Variants in PIH1D2 observed in about 807,000 individuals in gnomAD.
PIH1D2 encodes PIH1 domain containing 2.
In PIH1D2, 25 loss-of-function variants were observed where a neutral mutation model predicts 31.2. That is an observed-to-expected ratio of 0.80 (90% CI 0.58 to 1.12). The LOEUF (loss-of-function observed/expected upper bound fraction) is 1.12, where lower values mean the gene tolerates loss of function less well. Among genes scored for constraint, PIH1D2 ranks in the 50% most tolerant of loss-of-function variants. PIH1D2 has a pLI of 0.00. For missense variants in PIH1D2, 310 were observed against 356.6 expected (o/e 0.87, Z 1.05); for synonymous variants, 116 against 119.9 (o/e 0.97, Z 0.21).
downstream of PIH1D2, chr11:112,062,288 G>A (rs1555183342): frequency 2.8e-6 from 3 of 1,068,168 alleles, no homozygotes; most frequent in Non-Finnish European, 4.2e-6. Context: ...GACTGGAAGA[G>A]TAGATAGGAA....
intron 5 of PIH1D2, among the ~76,000 whole-genome samples, chr11:112,069,023 G>C (rs1456225106): frequency 2.3e-5 from 3 of 128,202 alleles, no homozygotes; most frequent in Non-Finnish European, 4.7e-5. Context: ...AGGGGAGACA[G>C]AGTCTCGCTC....
chr11:112,060,260 A>C (rs781764768), downstream of PIH1D2, among the ~76,000 whole-genome samples: 41 of 136,740 alleles, frequency 3.0e-4, no homozygotes, highest in Non-Finnish European at 6.1e-4. Context: ...CTCCTGGGTT[A>C]CGCCATTCTC....
chr11:112,058,970 C>T (rs1288985106), downstream of PIH1D2, among the ~76,000 whole-genome samples: 1 of 151,326 alleles, frequency 6.6e-6, no homozygotes, highest in Non-Finnish European at 1.5e-5. Flanking sequence ...AAAAGGTATT[C>T]TGAGATAAGA....
downstream of PIH1D2, chr11:112,060,158 A>ATTTTT (rs782188808): frequency 6.5e-5 from 37 of 568,608 alleles, no homozygotes; most frequent in African/African-American, 2.5e-4. Context: ...CTGTCACGTA[A>ATTTTT]TTTTTTTTTT....
downstream of PIH1D2, chr11:112,063,071 C>A (rs1025904469): frequency 6.5e-6 from 1 of 154,874 alleles, no homozygotes; most frequent in African/African-American, 2.4e-5. Context: ...GGGTAGAAAA[C>A]TTCAAGGAAA....
chr11:112,066,502 GT>G (rs1864931649), downstream of PIH1D2, among the ~76,000 whole-genome samples: 1 of 151,902 alleles, frequency 6.6e-6, no homozygotes, highest in African/African-American at 2.4e-5. Flanking sequence ...GCTAGGGGCG[GT>G]TGCGGGCGCC....
chr11:112,070,512 T>A lies in PIH1D2; in HGVS notation c.737A>T (p.Lys246Ile). The change falls in exon 5 of 6, where the codon AAA becomes ATA. Residue 246 changes from lysine (K) to isoleucine (I), a missense_variant. Lys to Ile is a moderately radical substitution (Grantham distance 102). Coordinates refer to ENST00000280350, the MANE Select transcript of PIH1D2 (RefSeq NM_138789.4). Reference sequence around the variant, plus strand: ...AACTTTCAACTCAATTTTCAGAGGTTTCTCACTGTGATCATGCACAATTTT... The same window carrying A: ...AACTTTCAACTCAATTTTCAGAGGTATCTCACTGTGATCATGCACAATTTT... ...ELKIVHDHSE[K>I]PLKIELKVEL... is the part of the protein sequence containing the mutation. 6.2e-7 allele frequency: 1 copy of A among 1,614,140 alleles called. No individual in the cohort carries two copies. Among genetic ancestry groups the A allele is most frequent in the Non-Finnish European group, 8.5e-7 (1 of 1,180,000 alleles).
rs782687885 is a variant in PIH1D2, at chr11:112,070,527, T to C, written c.722A>G (p.His241Arg). The change falls in exon 5 of 6, where the codon CAT becomes CGT. Residue 241 changes from histidine (H) to arginine (R), a missense_variant. Transcript: ENST00000280350. Reference protein sequence around the residue: ...KMPAYELKIVHDHSEKPLKIE... With the variant: ...KMPAYELKIVRDHSEKPLKIE... ...TTTCAGAGGTTTCTCACTGTGATCA[T>C]GCACAATTTTTAGTTCATAGGCTGG... The C allele has an allele frequency of 2.5e-6, 4 of 1,614,170 alleles. No individual in the cohort carries two copies. Among genetic ancestry groups the C allele is most frequent in the East Asian group, 4.5e-5 (2 of 44,880 alleles).
chr11:112,055,971 G>A, the PIH1D2 span, among the ~76,000 whole-genome samples: 10 of 140,390 alleles, frequency 7.1e-5, no homozygotes, highest in East Asian at 4.6e-4. Context: ...GGGTTCAAGC[G>A]ATTCTCCTGC....
Position 112,070,554 on chromosome 11 carries a change from A to C in PIH1D2, c.695T>G (p.Met232Arg). The C allele has an allele frequency of 6.2e-7, 1 of 1,614,196 alleles. No homozygotes were observed. ...CACAATTTTTAGTTCATAGGCTGGC[A>C]TCTTCATCTCCACCTGGATTTCAGT... ...SSTEIQVEMK[M>R]PAYELKIVHD... Residue 232 changes from methionine (M) to arginine (R), a missense_variant, in exon 5 of 6, where the codon ATG becomes AGG. By Grantham distance (91) the Met-to-Arg change is moderately conservative. Coordinates refer to ENST00000280350, the MANE Select transcript of PIH1D2 (RefSeq NM_138789.4).
At chr11:112,064,375 A>G (rs1864825626), downstream of PIH1D2, 1 of 626,414 alleles carries the variant, frequency 1.6e-6, no homozygotes, top group South Asian at 2.7e-5. Flanking sequence ...TTAAAAATTA[A>G]AGTATAAATC....
downstream of PIH1D2, among the ~76,000 whole-genome samples, chr11:112,065,076 G>A (rs587692646): frequency 6.6e-6 from 1 of 152,128 alleles, no homozygotes; most frequent in Non-Finnish European, 1.5e-5. Flanking sequence ...TCCTGACCTT[G>A]TGATCTGCCC....
chr11:112,064,692 A>G (rs1193672721), downstream of PIH1D2, among the ~76,000 whole-genome samples: 1 of 152,132 alleles, frequency 6.6e-6, no homozygotes, highest in Admixed American at 6.6e-5. Context: ...ATCCCAAGGC[A>G]TGGTCTAGAA....
chr11:112,060,099 AT>A, downstream of PIH1D2: 1 of 1,561,902 alleles, frequency 6.4e-7, no homozygotes, highest in Non-Finnish European at 8.7e-7. Flanking sequence ...TAATTATGTT[AT>A]TTTTAAGGTT....
downstream of PIH1D2, chr11:112,061,314 G>A (rs1464207677): frequency 3.5e-6 from 3 of 846,942 alleles, no homozygotes; most frequent in East Asian, 7.7e-5. Context: ...GATATGATAT[G>A]ATGTAATATT....
chr11:112,060,849 T>G (rs1391976537), downstream of PIH1D2, among the ~76,000 whole-genome samples: 1 of 152,170 alleles, frequency 6.6e-6, no homozygotes, highest in Non-Finnish European at 1.5e-5. Flanking sequence ...TGTTTGAAAA[T>G]AAGACATTTT....
At chr11:112,071,587 C>T in intron 3 of PIH1D2, 48 bp downstream of exon 3, 3 of 1,575,992 alleles carry the variant, frequency 1.9e-6, no homozygotes, top group Non-Finnish European at 2.6e-6. Context: ...AGATCTTGTC[C>T]ATTCCTAATA....
the PIH1D2 span, among the ~76,000 whole-genome samples, chr11:112,057,727 C>T: frequency 6.6e-6 from 1 of 152,112 alleles, no homozygotes; most frequent in East Asian, 1.9e-4. Context: ...GCCATAATAA[C>T]ATAAAAGTAC....
chr11:112,054,856 T>A, the PIH1D2 span, among the ~76,000 whole-genome samples: 1 of 152,156 alleles, frequency 6.6e-6, no homozygotes, highest in East Asian at 1.9e-4. Flanking sequence ...GCTTTAGGCA[T>A]TTAGTGGTTT....
Sources: gnomAD v4.1 joint callset for allele counts (sites outside exome capture counted in the v4.1 genomes callset) on GRCh38, gnomAD v4.1.1 for gene constraint, MANE v1.5 for transcripts, NCBI Gene and HGNC (gene_info 2026-07-23, HGNC 2026-07-21) for gene names.